TBC1D12: variants seen among roughly 807,000 people sequenced by gnomAD.
TBC1D12 encodes the protein TBC1 domain family, member 12.
TBC1D12 carries 56 observed loss-of-function variants against 86.7 expected under a neutral mutation model. The ratio of observed to expected loss-of-function variants is 0.65; its 90% CI spans 0.52 to 0.81. TBC1D12 has a LOEUF of 0.81. Ranked by LOEUF, TBC1D12 falls within the 30% of genes least tolerant of loss-of-function variation. The pLI, the probability that TBC1D12 is intolerant of heterozygous loss-of-function variation, is 0.00. For synonymous variants in TBC1D12, 421 were observed against 411.7 expected (o/e 1.02, Z -0.27); for missense variants, 1,023 against 1,038.8 (o/e 0.98, Z 0.21).
chr10:94,477,638 A>G (rs930107867), intron 3 of TBC1D12, among the ~76,000 whole-genome samples: 28 of 152,284 alleles, frequency 1.8e-4, no homozygotes, highest in Admixed American at 1.7e-3. Flanking sequence ...GAGTAATCTT[A>G]GGTTTCTTCT....
chr10:94,514,589 G>A (rs900947257), intron 9 of TBC1D12, among the ~76,000 whole-genome samples: 1 of 152,098 alleles, frequency 6.6e-6, no homozygotes, highest in African/African-American at 2.4e-5. Flanking sequence ...TTTCCCAAAC[G>A]ACATAATTTC....
intron 1 of TBC1D12, among the ~76,000 whole-genome samples, chr10:94,414,194 GA>G (rs1384780810): frequency 6.6e-6 from 1 of 152,038 alleles, no homozygotes; most frequent in Admixed American, 6.6e-5. Flanking sequence ...AGATGATAAA[GA>G]AGATTTGAGG....
intron 9 of TBC1D12, among the ~76,000 whole-genome samples, chr10:94,515,615 C>T (rs1420584164): frequency 1.3e-5 from 2 of 152,142 alleles, no homozygotes; most frequent in Middle Eastern, 3.2e-3. Context: ...TCCCAAAGTG[C>T]TGGGATTACA....
chr10:94,518,929 G>A (rs956470520), intron 9 of TBC1D12, among the ~76,000 whole-genome samples: 2 of 152,064 alleles, frequency 1.3e-5, no homozygotes, highest in African/African-American at 2.4e-5. Context: ...ACAAAAATTA[G>A]CCAGGCGTGG....
chr10:94,427,151 G>A (rs1434240808), intron 1 of TBC1D12, among the ~76,000 whole-genome samples: 1 of 152,132 alleles, frequency 6.6e-6, no homozygotes, highest in Non-Finnish European at 1.5e-5. Flanking sequence ...TAAATGGAAA[G>A]GTATTTACAC....
At chr10:94,502,123 G>A (rs975956225) in intron 6 of TBC1D12, among the ~76,000 whole-genome samples, 4 of 151,284 alleles carry the variant, frequency 2.6e-5, no homozygotes, top group African/African-American at 9.7e-5. Context: ...AACTGAGGTC[G>A]GGAATTTGAG....
rs372459658 is a variant in TBC1D12, at chr10:94,442,011, A to G, written c.1087A>G (p.Ile363Val). The G allele has an allele frequency of 6.2e-6, 10 of 1,612,268 alleles. No homozygotes were observed. In the Admixed American group the frequency reaches 8.4e-5, roughly 13 times the overall value. Residue 363 changes from isoleucine to valine, a missense_variant, in exon 2 of 13, where the codon ATT becomes GTT. By Grantham distance (29) the Ile-to-Val change is conservative. Around this residue, in one of 2 missense-constraint regions of TBC1D12, gnomAD observed 395 missense variants for 507.7 expected, o/e 0.78. Coordinates refer to ENST00000225235, the MANE Select transcript of TBC1D12 (RefSeq NM_015188.2). ...GAATCTTCAGAAAACATCCAAAATC[A>G]TTCAGCAGGTAAGTACTGACATAGC... ...RENLQKTSKI[I>V]QQEYEARTGR... is the part of the protein sequence containing the mutation.
Position 94,480,865 on chromosome 10 carries a change from A to G in TBC1D12, c.1211+6082A>G, listed in dbSNP as rs139441753. Among the ~76,000 whole-genome samples the G allele has an allele frequency of 4.3e-3, 647 of 151,494 alleles. 4 individuals are homozygous for G. The highest frequency in any genetic ancestry group is 0.015 in the African/African-American group (615 of 41,304). ...GCACTCCAGCCTGGGCAACAGAGCC[A>G]GACCTTGTCTCAAAAAAAAAAAAAG... On this transcript the variant is annotated intron_variant, in intron 3 of 12. Coordinates refer to ENST00000225235, the MANE Select transcript of TBC1D12 (RefSeq NM_015188.2).
At chr10:94,532,410 C>T (rs1388490895) in intron 12 of TBC1D12, among the ~76,000 whole-genome samples, 1 of 152,180 alleles carries the variant, frequency 6.6e-6, no homozygotes, top group Non-Finnish European at 1.5e-5. Flanking sequence ...ATCTCCTGAC[C>T]TTGTGATCTG....
chr10:94,457,702 G>A (rs998740363), intron 2 of TBC1D12, among the ~76,000 whole-genome samples: 2 of 152,076 alleles, frequency 1.3e-5, no homozygotes, highest in African/African-American at 4.8e-5. Flanking sequence ...TTTGTTTCCA[G>A]TTTTGTCTTC....
chr10:94,413,066 A>C (rs1353485980), intron 1 of TBC1D12, among the ~76,000 whole-genome samples: 1 of 152,218 alleles, frequency 6.6e-6, no homozygotes, highest in Non-Finnish European at 1.5e-5. Context: ...AGGTCTCCTC[A>C]GGTAGTGACT....
chr10:94,492,564 A>G (rs2056260355), intron 3 of TBC1D12, among the ~76,000 whole-genome samples: 1 of 152,230 alleles, frequency 6.6e-6, no homozygotes, highest in Non-Finnish European at 1.5e-5. Flanking sequence ...CTACTCAGCA[A>G]TTAAAAGGAA....
intron 12 of TBC1D12, among the ~76,000 whole-genome samples, 156 bp from the exon 13 acceptor site, chr10:94,532,872 T>A (rs1842466417): frequency 6.6e-6 from 1 of 152,126 alleles, no homozygotes; most frequent in East Asian, 1.9e-4. Context: ...TATTTCATGA[T>A]TAGAAAAAAA....
chr10:94,437,458 C>G (rs2055318902), intron 1 of TBC1D12, among the ~76,000 whole-genome samples: 1 of 152,040 alleles, frequency 6.6e-6, no homozygotes, highest in South Asian at 2.1e-4. Context: ...TCCGGAGTAG[C>G]TGAGACTACA....
At chr10:94,448,568 C>G (rs2055504650) in intron 2 of TBC1D12, among the ~76,000 whole-genome samples, 1 of 152,120 alleles carries the variant, frequency 6.6e-6, no homozygotes, top group Non-Finnish European at 1.5e-5. Flanking sequence ...CCTTGACCTC[C>G]TGGGTTCAAA....
chr10:94,499,092 T>C (rs2056361500), intron 5 of TBC1D12, among the ~76,000 whole-genome samples: 1 of 152,164 alleles, frequency 6.6e-6, no homozygotes, highest in African/African-American at 2.4e-5. Flanking sequence ...TTGGTATATG[T>C]TTACATTATG....
chr10:94,493,539 G>T, intron 4 of TBC1D12, 92 bp downstream of exon 4: 1 of 975,904 alleles, frequency 1.0e-6, no homozygotes, highest in South Asian at 1.5e-5. Context: ...AGATGATACT[G>T]AATTCTTTTT....
intron 2 of TBC1D12, among the ~76,000 whole-genome samples, chr10:94,473,055 C>T (rs1408632113): frequency 6.6e-6 from 1 of 152,000 alleles, no homozygotes; most frequent in Non-Finnish European, 1.5e-5. Flanking sequence ...TAAGGTTAAG[C>T]TTCAAGAAGA....
chr10:94,436,057 A>C (rs2055290682), intron 1 of TBC1D12, among the ~76,000 whole-genome samples: 2 of 151,752 alleles, frequency 1.3e-5, no homozygotes, highest in Non-Finnish European at 2.9e-5. Context: ...AAAAACTGTA[A>C]TGTTATGGTA....
Sources: gnomAD v4.1 joint callset for allele counts (sites outside exome capture counted in the v4.1 genomes callset) on GRCh38, gnomAD v4.1.1 for gene constraint, gnomAD v4.1.1 regional missense constraint, MANE v1.5 for transcripts, NCBI Gene and HGNC (gene_info 2026-07-23, HGNC 2026-07-21) for gene names.